The following NAV3 variants were observed in gnomAD, a reference collection of about 807,000 sequenced individuals.
The protein encoded by NAV3 is neuron navigator 3.
A neutral mutation model predicts 244.7 loss-of-function variants in NAV3; 87 were observed. The ratio of observed to expected loss-of-function variants is 0.36; its 90% CI spans 0.30 to 0.42. The LOEUF (loss-of-function observed/expected upper bound fraction) is 0.42, where lower values mean the gene tolerates loss of function less well. Ranked by LOEUF, NAV3 falls within the 20% of genes least tolerant of loss-of-function variation. The pLI is 1.00. For synonymous variants in NAV3, 1,126 were observed against 1,042.2 expected, an observed-to-expected ratio of 1.08 and a Z score of -1.55; for missense variants, 2,663 against 2,893.3, an observed-to-expected ratio of 0.92 and a Z score of 1.83.
intron 2 of NAV3, among the ~76,000 whole-genome samples, chr12:77,804,343 A>G (rs1418597894): frequency 6.6e-6 from 1 of 151,978 alleles, no homozygotes; most frequent in Admixed American, 6.6e-5. Context: ...AAGTTTATAT[A>G]TTTGTATAAG....
At chr12:77,721,824 T>C (rs1218112278) in intron 2 of NAV3, among the ~76,000 whole-genome samples, 1 of 151,982 alleles carries the variant, frequency 6.6e-6, no homozygotes, top group Non-Finnish European at 1.5e-5. Context: ...TTGTGGGAGG[T>C]AAAATACATG....
At chr12:77,655,499 C>A (rs188251890) in intron 2 of NAV3, among the ~76,000 whole-genome samples, 4 of 152,096 alleles carry the variant, frequency 2.6e-5, no homozygotes, top group African/African-American at 9.7e-5. Flanking sequence ...CTGAAAGTGA[C>A]GGGGAGAATG....
chr12:77,758,536 G>T (rs1047713687), intron 2 of NAV3, among the ~76,000 whole-genome samples: 1 of 152,164 alleles, frequency 6.6e-6, no homozygotes, highest in Non-Finnish European at 1.5e-5. Flanking sequence ...TCTTTGGAAA[G>T]TTCCTTAATA....
intron 2 of NAV3, among the ~76,000 whole-genome samples, chr12:77,759,458 A>C (rs1369332241): frequency 6.6e-6 from 1 of 152,232 alleles, no homozygotes; most frequent in Non-Finnish European, 1.5e-5. Context: ...TAGGCCTGAG[A>C]TTCCAGGAAA....
At chr12:77,697,112 C>T (rs751024622) in intron 2 of NAV3, among the ~76,000 whole-genome samples, 9 of 152,138 alleles carry the variant, frequency 5.9e-5, no homozygotes, top group Non-Finnish European at 1.0e-4. Flanking sequence ...TGTAAATTCT[C>T]CTGGACTGGA....
intron 2 of NAV3, among the ~76,000 whole-genome samples, chr12:77,691,827 C>T (rs143813913): frequency 9.1e-4 from 138 of 151,894 alleles, no homozygotes; most frequent in African/African-American, 3.1e-3. Flanking sequence ...CGTTACACAG[C>T]TAGTAAATGG....
In NAV3 at chr12:77,598,405, G is replaced by A. The variant is rs138828249; in HGVS notation, c.72+26139G>A. On this transcript the variant is annotated intron_variant, in intron 2 of 8. Coordinates refer to the NAV3 transcript ENST00000550042. The stretch of plus-strand genomic sequence containing the variant: ...TGACAATCTTAATAACTCAACAGTT[G>A]CTAAATCCTTCTATATATGCTTAAT... Among the ~76,000 whole-genome samples, 22 of 152,044 alleles carry A rather than the reference G, an allele frequency of 1.4e-4. 1 individual carries two copies. The East Asian group carries it at 3.7e-3, about 25-fold the overall frequency.
chr12:77,873,023 C>T (rs1202774295), intron 1 of NAV3, among the ~76,000 whole-genome samples: 2 of 152,144 alleles, frequency 1.3e-5, no homozygotes, highest in African/African-American at 2.4e-5. Context: ...ATGCTATTCT[C>T]ATGATAGTTA....
At position 77,708,387 on chromosome 12, in the gene NAV3, T is replaced by C. The variant is rs529753225; in HGVS notation, c.72+136121T>C. ...GGTTGTAGATGTGTGGTATTATTTC[T>C]GAGGGCTCTGTTCTGTTCCATTGAT... On this transcript the variant is annotated intron_variant, in intron 2 of 8. Transcript: ENST00000550042. 5.9e-5 allele frequency among the ~76,000 whole-genome samples: 9 copies of C among 152,356 alleles called. No homozygotes were observed. The South Asian group carries it at 1.9e-3, about 32-fold the overall frequency.
intron 2 of NAV3, among the ~76,000 whole-genome samples, chr12:77,795,482 A>T (rs758914989): frequency 5.9e-5 from 9 of 152,188 alleles, no homozygotes; most frequent in Non-Finnish European, 1.3e-4. Flanking sequence ...TCTGATGAAG[A>T]TGGCTACACT....
chr12:78,067,430 T>C (rs1275416500), intron 12 of NAV3, among the ~76,000 whole-genome samples: 1 of 152,120 alleles, frequency 6.6e-6, no homozygotes, highest in African/African-American at 2.4e-5. Flanking sequence ...TGATGCCCTC[T>C]CAAATTCCCT....
At chr12:78,099,510 G>A (rs1954432055) in intron 12 of NAV3, among the ~76,000 whole-genome samples, 1 of 151,772 alleles carries the variant, frequency 6.6e-6, no homozygotes, top group African/African-American at 2.4e-5. Flanking sequence ...GTCTTCCACA[G>A]TGAGCATATA....
At chr12:77,821,080 C>A (rs918885354) in intron 2 of NAV3, among the ~76,000 whole-genome samples, 1 of 109,566 alleles carries the variant, frequency 9.1e-6, no homozygotes, top group African/African-American at 2.7e-5. Flanking sequence ...TACACACACA[C>A]ATGTTCGCAC....
chr12:77,803,132 A>C (rs557689517), intron 2 of NAV3, among the ~76,000 whole-genome samples: 1 of 152,280 alleles, frequency 6.6e-6, no homozygotes, highest in East Asian at 1.9e-4. Context: ...ATACATGTGC[A>C]GAACGTGCAT....
At chr12:78,114,259 T>G (rs1057368555) in intron 12 of NAV3, among the ~76,000 whole-genome samples, 1 of 152,176 alleles carries the variant, frequency 6.6e-6, no homozygotes, top group Non-Finnish European at 1.5e-5. Context: ...GCCTCCAAAC[T>G]GTTCCAACTT....
intron 9 of NAV3, among the ~76,000 whole-genome samples, chr12:78,040,784 A>G (rs914482771): frequency 2.6e-5 from 4 of 152,134 alleles, no homozygotes; most frequent in Admixed American, 6.5e-5. Flanking sequence ...TTCACCTACA[A>G]TCTAAGATGC....
chr12:77,859,629 AT>A (rs1157292146), intron 1 of NAV3, among the ~76,000 whole-genome samples: 4 of 143,384 alleles, frequency 2.8e-5, no homozygotes, highest in Non-Finnish European at 6.3e-5. Context: ...AAAAAAAAAA[AT>A]CAAAGTGAAA....
At chr12:78,204,260 A>G (rs914240396) in intron 38 of NAV3, among the ~76,000 whole-genome samples, 1 of 152,058 alleles carries the variant, frequency 6.6e-6, no homozygotes, top group Admixed American at 6.6e-5. Flanking sequence ...ATGCAAAATG[A>G]CGAGTTAATG....
intron 2 of NAV3, among the ~76,000 whole-genome samples, chr12:77,636,874 G>A (rs1161001753): frequency 6.6e-6 from 1 of 152,026 alleles, no homozygotes; most frequent in African/African-American, 2.4e-5. Context: ...ATCATTCTCA[G>A]CAAACTAACA....
Sources: allele counts gnomAD v4.1 joint callset (sites outside exome capture counted in the v4.1 genomes callset), GRCh38; gene constraint gnomAD v4.1.1; transcripts MANE v1.5; gene names NCBI Gene and HGNC (gene_info 2026-07-23, HGNC 2026-07-21).